The following UBE2W variants were observed in gnomAD, a reference collection of about 807,000 sequenced individuals.
UBE2W encodes ubiquitin conjugating enzyme E2 W, also known as ubiquitin-conjugating enzyme E2 W.
In UBE2W, 18 loss-of-function variants were observed where a neutral mutation model predicts 27.2. The ratio of observed to expected loss-of-function variants is 0.66; its 90% CI spans 0.46 to 0.98. UBE2W has a LOEUF of 0.98. Among genes scored for constraint, UBE2W ranks in the 50% least tolerant of loss-of-function variants. UBE2W has a pLI of 0.00. For synonymous variants in UBE2W, 53 were observed against 57.2 expected, an observed-to-expected ratio of 0.93 and a Z score of 0.33; for missense variants, 90 against 180.2, an observed-to-expected ratio of 0.50 and a Z score of 2.87.
intron 1 of UBE2W, among the ~76,000 whole-genome samples, chr8:73,875,385 A>C (rs974168560): frequency 5.3e-5 from 8 of 152,188 alleles, no homozygotes; most frequent in Admixed American, 5.2e-4. Context: ...GCAGAACCTA[A>C]AAGATGGTTG....
At chr8:73,850,032 A>T (rs1281729841) in intron 1 of UBE2W, among the ~76,000 whole-genome samples, 1 of 152,220 alleles carries the variant, frequency 6.6e-6, no homozygotes, top group African/African-American at 2.4e-5. Context: ...ATCTTCATAG[A>T]AGATTTTAGT....
chr8:73,780,960 CT>C (rs1389607590), intron 4 of UBE2W, among the ~76,000 whole-genome samples: 22 of 152,018 alleles, frequency 1.4e-4, no homozygotes, highest in African/African-American at 4.3e-4. Flanking sequence ...ATTGATTAGG[CT>C]TTTGGACTAG....
At chr8:73,873,922 T>C (rs1376324838) in intron 1 of UBE2W, among the ~76,000 whole-genome samples, 2 of 152,208 alleles carry the variant, frequency 1.3e-5, no homozygotes, top group Admixed American at 1.3e-4. Flanking sequence ...ATGCACTGAC[T>C]TTCTAAGATC....
At chr8:73,847,030 G>A (rs779755579) in intron 1 of UBE2W, among the ~76,000 whole-genome samples, 2 of 152,042 alleles carry the variant, frequency 1.3e-5, no homozygotes, top group African/African-American at 2.4e-5. Context: ...TTAGCTGGGC[G>A]TGGTGGCACG....
chr8:73,815,483 G>C (rs1809346497), intron 3 of UBE2W, among the ~76,000 whole-genome samples: 1 of 152,148 alleles, frequency 6.6e-6, no homozygotes, highest in Non-Finnish European at 1.5e-5. Flanking sequence ...ATCAATAATT[G>C]AAAGTAGACT....
At chr8:73,867,003 C>T (rs374179237) in intron 1 of UBE2W, among the ~76,000 whole-genome samples, 1 of 121,004 alleles carries the variant, frequency 8.3e-6, no homozygotes, top group African/African-American at 3.1e-5. Context: ...GGCTCCGTCC[C>T]AAAAAAAAAA....
At chr8:73,809,516 G>A (rs1488393445) in intron 4 of UBE2W, among the ~76,000 whole-genome samples, 2 of 152,168 alleles carry the variant, frequency 1.3e-5, no homozygotes, top group Non-Finnish European at 2.9e-5. Flanking sequence ...TGACAAGAGT[G>A]TCAGAAGTGT....
In UBE2W at chr8:73,828,029, T is replaced by C. The variant is rs558604739; in HGVS notation, c.107+2352A>G. On this transcript the variant is annotated intron_variant, in intron 2 of 5. Transcript: ENST00000602593. ...GAAATGGCAGCCCAGTAGCTGCATT[T>C]TGTGCACACTTAAATTACATCAATT... Among the ~76,000 whole-genome samples, 37 of 152,324 alleles carry C rather than the reference T, an allele frequency of 2.4e-4. No homozygotes were observed. In the South Asian group the frequency reaches 5.6e-3, roughly 23 times the overall value.
At chr8:73,851,605 T>C (rs1811082897) in intron 1 of UBE2W, among the ~76,000 whole-genome samples, 1 of 152,140 alleles carries the variant, frequency 6.6e-6, no homozygotes, top group African/African-American at 2.4e-5. Context: ...AATAAAAATA[T>C]GATCATGCTG....
At chr8:73,852,034 G>A (rs1176520128) in intron 1 of UBE2W, among the ~76,000 whole-genome samples, 1 of 150,966 alleles carries the variant, frequency 6.6e-6, no homozygotes, top group Non-Finnish European at 1.5e-5. Flanking sequence ...GAAAAAGGAG[G>A]GATGGGGAGA....
intron 1 of UBE2W, among the ~76,000 whole-genome samples, chr8:73,844,916 G>A (rs1378152586): frequency 1.2e-4 from 18 of 149,454 alleles, no homozygotes; most frequent in African/African-American, 2.5e-4. Flanking sequence ...CCCGGCAGCC[G>A]CCCGGTCTGG....
chr8:73,780,715 G>C (rs1807826382), intron 4 of UBE2W, among the ~76,000 whole-genome samples: 1 of 151,760 alleles, frequency 6.6e-6, no homozygotes, highest in African/African-American at 2.4e-5. Flanking sequence ...GTAGAGATGA[G>C]GTTTTGCCAT....
At chr8:73,866,920 G>A (rs1172094050) in intron 1 of UBE2W, among the ~76,000 whole-genome samples, 8 of 151,012 alleles carry the variant, frequency 5.3e-5, no homozygotes, top group Admixed American at 2.6e-4. Context: ...CAGGAGAATC[G>A]CTTGAACCCA....
At chr8:73,842,825 G>C (rs1302397232) in intron 1 of UBE2W, among the ~76,000 whole-genome samples, 1 of 151,948 alleles carries the variant, frequency 6.6e-6, no homozygotes, top group Non-Finnish European at 1.5e-5. Flanking sequence ...TGTATTTTTT[G>C]TATAATTAAA....
chr8:73,819,017 C>T (rs1809502867), intron 3 of UBE2W, among the ~76,000 whole-genome samples: 1 of 152,198 alleles, frequency 6.6e-6, no homozygotes, highest in Non-Finnish European at 1.5e-5. Flanking sequence ...CACTCCCCTT[C>T]CTGTTTATAC....
downstream of UBE2W, among the ~76,000 whole-genome samples, chr8:73,782,781 ATAGC>A (rs1328929418): frequency 6.6e-6 from 1 of 152,216 alleles, no homozygotes; most frequent in Non-Finnish European, 1.5e-5. Flanking sequence ...TCTTGGGCAA[ATAGC>A]TAGGTGTGAA....
intron 1 of UBE2W, among the ~76,000 whole-genome samples, chr8:73,875,570 TTAAG>T (rs1812184742): frequency 8.6e-6 from 1 of 116,888 alleles, no homozygotes; most frequent in African/African-American, 3.5e-5. Flanking sequence ...CTCTTAGAGC[TTAAG>T]TAACTTCAGC....
At chr8:73,784,255 C>G (rs574739567), downstream of UBE2W, among the ~76,000 whole-genome samples, 4 of 152,290 alleles carry the variant, frequency 2.6e-5, no homozygotes, top group Non-Finnish European at 4.4e-5. Context: ...GATGCTCACC[C>G]AGCACTCTGT....
rs1445383756 is a variant in UBE2W, at chr8:73,791,288, C to G, written c.*2814G>C. 1.0e-6 allele frequency: 1 copy of G among 977,704 alleles called. No individual in the cohort carries two copies. Among genetic ancestry groups the G allele is most frequent in the Non-Finnish European group, 1.2e-6 (1 of 826,508 alleles). The allele number at this position is 977,704 out of a possible 1,614,324, so 60.6% of individuals were successfully genotyped here. A position where few individuals can be genotyped will look rare whatever the true frequency, so the allele number is the denominator to read the frequency against. On this transcript the variant is annotated 3_prime_UTR_variant, in exon 6 of 6. Coordinates refer to ENST00000602593, the MANE Select transcript of UBE2W (RefSeq NM_018299.6). The stretch of plus-strand genomic sequence containing the variant: ...CAAAGAAAAAAAAAAAAAAGAAGGG[C>G]ATCATGTTCATGATCTAAGCATGCA...
Sources: allele counts gnomAD v4.1 joint callset (sites outside exome capture counted in the v4.1 genomes callset), GRCh38; gene constraint gnomAD v4.1.1; transcripts MANE v1.5; gene names NCBI Gene and HGNC (gene_info 2026-07-23, HGNC 2026-07-21).